OR2J2: variants seen among roughly 807,000 people sequenced by gnomAD.
OR2J2 encodes the protein olfactory receptor 2J2.
Under a neutral mutation model 16.9 loss-of-function variants are expected in OR2J2, and 13 were observed. The observed-to-expected ratio is 0.77, with a 90% CI of 0.50 to 1.23. The LOEUF (loss-of-function observed/expected upper bound fraction) is 1.23. Among genes scored for constraint, OR2J2 ranks in the 50% most tolerant of loss-of-function variants. OR2J2 has a pLI of 0.00. For missense variants in OR2J2, 341 were observed against 379.1 expected, an observed-to-expected ratio of 0.90 and a Z score of 0.84; for synonymous variants, 125 against 141.2, an observed-to-expected ratio of 0.89 and a Z score of 0.81.
intron 1 of OR2J2, among the ~76,000 whole-genome samples, chr6:29,172,592 T>TG (rs1765562271): frequency 6.6e-6 from 1 of 152,078 alleles, no homozygotes; most frequent in African/African-American, 2.4e-5. Context: ...TTCTTCATTT[T>TG]AAAAAAATAA....
At position 29,174,335 on chromosome 6, in the gene OR2J2, G is replaced by A. The variant is rs754798788; in HGVS notation, c.700G>A (p.Gly234Arg). 5 of 1,613,774 alleles carry A rather than the reference G, an allele frequency of 3.1e-6. No homozygotes were observed. The highest frequency in any genetic ancestry group is 4.2e-6 in the Non-Finnish European group (5 of 1,179,928). ...TGTACTGAGCATGCAATCAACCACTGGGCTTCAGAAAGTGTTTAGGACATG... is the reference window on the plus strand; with the variant it reads ...TGTACTGAGCATGCAATCAACCACTAGGCTTCAGAAAGTGTTTAGGACATG... ...RAVLSMQSTT[G>R]LQKVFRTCGA... The change falls in exon 2 of 2, where the codon GGG becomes AGG. Residue 234 changes from glycine (G) to arginine (R), a missense_variant. Gly to Arg is a moderately radical substitution (Grantham distance 125, BLOSUM62 -2). Transcript: ENST00000641417.
chr6:29,174,343 G>A lies in OR2J2; in HGVS notation c.708G>A (p.Gln236=), dbSNP rs1291877269. The change falls in exon 2 of 2, where the codon CAG becomes CAA. Residue 236 remains glutamine (Q), a synonymous_variant. Coordinates refer to ENST00000641417, the MANE Select transcript of OR2J2 (RefSeq NM_030905.3). ...VLSMQSTTGL[Q]KVFRTCGAHL... is the part of the protein sequence containing the mutation. ...GCATGCAATCAACCACTGGGCTTCA[G>A]AAAGTGTTTAGGACATGTGGAGCCC... is the stretch of plus-strand genomic sequence containing the variant. 1.2e-6 allele frequency: 2 copies of A among 1,613,888 alleles called. No homozygotes were observed. Among genetic ancestry groups the A allele is most frequent in the South Asian group, 1.1e-5 (1 of 91,064 alleles).
In OR2J2 at chr6:29,173,726, GT is replaced by G; in HGVS notation, c.93del (p.Ile32SerfsTer2). The G allele has an allele frequency of 6.2e-7, 1 of 1,613,622 alleles. No homozygotes were observed. On this transcript the variant is annotated frameshift_variant, in exon 2 of 2. Coordinates refer to ENST00000641417, the MANE Select transcript of OR2J2 (RefSeq NM_030905.3). LOFTEE classifies it high-confidence loss of function. ...WPQLEVVLFV[V>X]ILIFYLMTLT... ...TCAGCTGGAAGTAGTTCTCTTTGTGGTTATCTTGATCTTCTACCTGATGACA... is the reference window on the plus strand; with the variant it reads ...TCAGCTGGAAGTAGTTCTCTTTGTGGTATCTTGATCTTCTACCTGATGACA...
Position 29,170,977 on chromosome 6 carries a change from G to A in OR2J2, c.-146G>A, listed in dbSNP as rs1466472881. The stretch of plus-strand genomic sequence containing the variant: ...TTAGATTTAAAACATTGGCAAAAAT[G>A]TTATAAGAAGGCAATTAGGTTGATG... On this transcript the variant is annotated 5_prime_UTR_variant, in exon 1 of 2. It removes an upstream start codon present in the reference 5' UTR. Transcript: ENST00000641417. 6.6e-6 allele frequency: 1 copy of A among 152,100 alleles called. No homozygotes were observed. Among genetic ancestry groups the A allele is most frequent in the African/African-American group, 2.4e-5 (1 of 41,440 alleles). The allele number at this position is 152,100 out of a possible 1,614,324, so 9.4% of individuals were successfully genotyped here.
Position 29,174,696 on chromosome 6 carries a change from A to T in OR2J2, c.*122A>T. Reference sequence around the variant, plus strand: ...AACAGCTCACAAAACAGAATAGTTCAGTCTCACATTTGTTGCTCTTTTTAT... The same window carrying T: ...AACAGCTCACAAAACAGAATAGTTCTGTCTCACATTTGTTGCTCTTTTTAT... On this transcript the variant is annotated 3_prime_UTR_variant, in exon 2 of 2. Transcript: ENST00000641417. 4.3e-6 allele frequency: 3 copies of T among 702,380 alleles called. No individual in the cohort carries two copies. The highest frequency in any genetic ancestry group is 2.5e-5 in the South Asian group (1 of 40,004). The allele number at this position is 702,380 out of a possible 1,614,324, so 43.5% of individuals were successfully genotyped here.
At position 29,175,193 on chromosome 6, in the gene OR2J2, C is replaced by T. The variant is rs1443898608; in HGVS notation, c.*619C>T. ...TAATATCTCTTTAAAATGGCTCTTTCGTTCATCTGTCCATTTATTCATTAA... is the reference window on the plus strand; with the variant it reads ...TAATATCTCTTTAAAATGGCTCTTTTGTTCATCTGTCCATTTATTCATTAA... On this transcript the variant is annotated 3_prime_UTR_variant, in exon 2 of 2. Coordinates refer to ENST00000641417, the MANE Select transcript of OR2J2 (RefSeq NM_030905.3). 6.6e-6 allele frequency: 1 copy of T among 152,118 alleles called. No homozygotes were observed. The highest frequency in any genetic ancestry group is 1.9e-4 in the East Asian group (1 of 5,184). The allele number at this position is 152,118 out of a possible 1,614,324, so 9.4% of individuals were successfully genotyped here.
chr6:29,175,543 G>C lies in OR2J2; in HGVS notation c.*969G>C, dbSNP rs967200780. 1 of 152,132 alleles carries C rather than the reference G, an allele frequency of 6.6e-6. No homozygotes were observed. Among genetic ancestry groups the C allele is most frequent in the Non-Finnish European group, 1.5e-5 (1 of 68,038 alleles). 9.4% of individuals were successfully genotyped at this position (152,132 alleles called of 1,614,324 possible). A position where few individuals can be genotyped will look rare whatever the true frequency, so the allele number is the denominator to read the frequency against. ...ACCTGTAATCCCAGCACTTTGGAAG[G>C]CCGAGTCAGGTGGATCATGAGGTCA... On this transcript the variant is annotated 3_prime_UTR_variant, in exon 2 of 2. Coordinates refer to ENST00000641417, the MANE Select transcript of OR2J2 (RefSeq NM_030905.3).
At position 29,173,364 on chromosome 6, in the gene OR2J2, ACTAT is replaced by A. The variant is rs565870799; in HGVS notation, c.-17-252_-17-249del. 1.9e-4 allele frequency: 70 copies of A among 359,700 alleles called. 2 individuals are homozygous for A. The South Asian group carries it at 7.9e-3, about 40-fold the overall frequency. The allele number at this position is 359,700 out of a possible 1,614,324, so 22.3% of individuals were successfully genotyped here. A position where few individuals can be genotyped will look rare whatever the true frequency, so the allele number is the denominator to read the frequency against. On this transcript the variant is annotated intron_variant, in intron 1 of 1. Transcript: ENST00000641417. ...ATAAATATTGTGTTCCTGATTATGG[ACTAT>A]CTTAGTCTTCATTAATCCAAATGTT...
At chr6:29,173,469 A>T (rs530829408) in intron 1 of OR2J2, 150 bp from the exon 2 acceptor site, 15 of 552,226 alleles carry the variant, frequency 2.7e-5, no homozygotes, top group Non-Finnish European at 4.5e-5. Context: ...AAATATCTCA[A>T]TGAAGCATAT....
At chr6:29,171,279 A>G (rs1038788726) in intron 1 of OR2J2, among the ~76,000 whole-genome samples, 174 bp downstream of exon 1, 1 of 152,142 alleles carries the variant, frequency 6.6e-6, no homozygotes, top group African/African-American at 2.4e-5. Context: ...ATACATCAAA[A>G]CATTACAGTG....
In OR2J2 at chr6:29,173,834, C is replaced by G; in HGVS notation, c.199C>G (p.Leu67Val). 4 of 1,612,968 alleles carry G rather than the reference C, an allele frequency of 2.5e-6. No homozygotes were observed. The highest frequency in any genetic ancestry group is 3.4e-6 in the Non-Finnish European group (4 of 1,179,756). Residue 67 changes from leucine to valine, a missense_variant, in exon 2 of 2, where the codon CTC (leucine) becomes GTC (valine). Transcript: ENST00000641417. The stretch of plus-strand genomic sequence containing the variant: ...ACCAATGTACTTCTTCCTTTCAAAC[C>G]TCTCATTTCTGGATCTCTGCTACAC... ...HTPMYFFLSN[L>V]SFLDLCYTTS...
chr6:29,171,110 G>C lies in OR2J2; in HGVS notation c.-18+5G>C, dbSNP rs1765461312. ...AACAGGGACAAACACAGGAAGGTCA[G>C]TACTGAAAGAAGTTGGTGCACTTCT... On this transcript the variant is annotated splice_donor_5th_base_variant and intron_variant, in intron 1 of 1. Transcript: ENST00000641417. 6.6e-6 allele frequency: 1 copy of C among 152,146 alleles called. No individual in the cohort carries two copies. The highest frequency in any genetic ancestry group is 1.5e-5 in the Non-Finnish European group (1 of 68,040). The allele number at this position is 152,146 out of a possible 1,614,324, so 9.4% of individuals were successfully genotyped here.
At position 29,171,933 on chromosome 6, in the gene OR2J2, T is replaced by C. The variant is rs1182194321; in HGVS notation, c.-18+828T>C. ...TTGCACAGATTTGGCCCAAGTTCAA[T>C]GTTCCTAGCTCTCCAGCTGTAACTC... is the stretch of plus-strand genomic sequence containing the variant. On this transcript the variant is annotated intron_variant, in intron 1 of 1. Coordinates refer to ENST00000641417, the MANE Select transcript of OR2J2 (RefSeq NM_030905.3). Among the ~76,000 whole-genome samples the C allele has an allele frequency of 2.6e-5, 4 of 152,162 alleles. No homozygotes were observed. In the East Asian group the frequency reaches 7.7e-4, roughly 29 times the overall value.
Position 29,174,213 on chromosome 6 carries a change from C to A in OR2J2, c.578C>A (p.Thr193Asn). ...PALLRLSCVD[T>N]HANELTLMVM... ...CTTCTGCGTTTATCATGTGTTGACA[C>A]CCATGCAAATGAGCTGACCCTCATG... The change falls in exon 2 of 2, where the codon ACC (threonine) becomes AAC (asparagine). Residue 193 changes from threonine to asparagine, a missense_variant. Physicochemically the swap from Thr to Asn is moderately conservative, Grantham distance 65. Transcript: ENST00000641417. 2 of 1,613,796 alleles carry A rather than the reference C, an allele frequency of 1.2e-6. No homozygotes were observed. Among genetic ancestry groups the A allele is most frequent in the Non-Finnish European group, 1.7e-6 (2 of 1,179,944 alleles).
chr6:29,173,830 A>C lies in OR2J2; in HGVS notation c.195A>C (p.Ser65=). Residue 65 remains serine (S), a synonymous_variant, in exon 2 of 2, where the codon TCA becomes TCC. Coordinates refer to ENST00000641417, the MANE Select transcript of OR2J2 (RefSeq NM_030905.3). ...HLHTPMYFFL[S]NLSFLDLCYT... is the part of the protein sequence containing the mutation. Reference sequence around the variant, plus strand: ...ACACACCAATGTACTTCTTCCTTTCAAACCTCTCATTTCTGGATCTCTGCT... The same window carrying C: ...ACACACCAATGTACTTCTTCCTTTCCAACCTCTCATTTCTGGATCTCTGCT... 1 of 1,612,948 alleles carries C rather than the reference A, an allele frequency of 6.2e-7. No individual in the cohort carries two copies. The highest frequency in any genetic ancestry group is 8.5e-7 in the Non-Finnish European group (1 of 1,179,794).
At chr6:29,171,566 A>G (rs979334581) in intron 1 of OR2J2, among the ~76,000 whole-genome samples, 7 of 152,152 alleles carry the variant, frequency 4.6e-5, no homozygotes, top group African/African-American at 1.4e-4. Context: ...ACTTTTCTCT[A>G]CATGAGTTCT....
At chr6:29,171,972 A>T (rs1167782147) in intron 1 of OR2J2, among the ~76,000 whole-genome samples, 2 of 152,044 alleles carry the variant, frequency 1.3e-5, no homozygotes, top group Admixed American at 1.3e-4. Flanking sequence ...CAGTTAGGCA[A>T]CTCCTTACAT....
rs370809520 is a variant in OR2J2, at chr6:29,174,319, C to G, written c.684C>G (p.Ser228Arg). 2.8e-5 allele frequency: 45 copies of G among 1,613,730 alleles called. No individual in the cohort carries two copies. The East Asian group carries it at 8.9e-4, about 32-fold the overall frequency. ...TYGAIARAVLSMQSTTGLQKV... is the reference protein window; with the variant it reads ...TYGAIARAVLRMQSTTGLQKV... Reference sequence around the variant, plus strand: ...GTGCCATTGCCCGGGCTGTACTGAGCATGCAATCAACCACTGGGCTTCAGA... The same window carrying G: ...GTGCCATTGCCCGGGCTGTACTGAGGATGCAATCAACCACTGGGCTTCAGA... Residue 228 changes from serine to arginine, a missense_variant, in exon 2 of 2, where the codon AGC becomes AGG. Coordinates refer to ENST00000641417, the MANE Select transcript of OR2J2 (RefSeq NM_030905.3).
chr6:29,172,930 T>C (rs1314118413), intron 1 of OR2J2, among the ~76,000 whole-genome samples: 1 of 152,194 alleles, frequency 6.6e-6, no homozygotes, highest in Non-Finnish European at 1.5e-5. Flanking sequence ...TTTGTTAGAC[T>C]CTGTAATCTT....
Sources: gnomAD v4.1 joint callset for allele counts (sites outside exome capture counted in the v4.1 genomes callset) on GRCh38, gnomAD v4.1.1 for gene constraint, MANE v1.5 for transcripts, NCBI Gene and HGNC (gene_info 2026-07-23, HGNC 2026-07-21) for gene names.